Variants in TSPAN15 observed in about 807,000 individuals in gnomAD.
TSPAN15 encodes tetraspanin-15.
Under a neutral mutation model 34.5 loss-of-function variants are expected in TSPAN15, and 20 were observed. The ratio of observed to expected loss-of-function variants is 0.58; its 90% CI spans 0.41 to 0.84. The LOEUF is 0.84. Ranked by LOEUF, TSPAN15 falls within the 40% of genes least tolerant of loss-of-function variation. The probability of loss-of-function intolerance (pLI) is 0.00; values close to 1 mark genes in which losing one functional copy is unlikely to be tolerated. For synonymous variants in TSPAN15, 155 were observed against 153.9 expected (o/e 1.01, Z -0.05); for missense variants, 313 against 386.1 (o/e 0.81, Z 1.59).
rs1841794863 is a variant in TSPAN15 at position 69,483,964 on chromosome 10, T to C, written c.282+88T>C. On this transcript the variant is annotated intron_variant, in intron 2 of 7. Transcript: ENST00000373290. ...TGCCCTTGGGCAGCTCAGTTTCTTT[T>C]GTCCCTGCCTCAAACCACCTCCTTT... The C allele has an allele frequency of 2.2e-5, 32 of 1,425,238 alleles. No individual in the cohort carries two copies. In the South Asian group the frequency reaches 3.5e-4, roughly 16 times the overall value. 88.3% of individuals were successfully genotyped at this position (1,425,238 alleles called of 1,614,324 possible). A position where few individuals can be genotyped will look rare whatever the true frequency, so the allele number is the denominator to read the frequency against.
chr10:69,458,028 C>T (rs12769200), intron 1 of TSPAN15, among the ~76,000 whole-genome samples: 17,519 of 152,194 alleles, frequency 0.12, 1,235 homozygotes, highest in Non-Finnish European at 0.16. Flanking sequence ...AGTGAGTTGC[C>T]TGAAAGCCCA....
chr10:69,492,212 A>AAGCT (rs1446168060), intron 3 of TSPAN15, among the ~76,000 whole-genome samples: 3 of 152,064 alleles, frequency 2.0e-5, no homozygotes, highest in Middle Eastern at 3.4e-3. Flanking sequence ...ATGGCAGAGG[A>AAGCT]AGCTAGAATT....
At chr10:69,486,844 C>T (rs902157131) in intron 3 of TSPAN15, among the ~76,000 whole-genome samples, 2 of 152,236 alleles carry the variant, frequency 1.3e-5, no homozygotes, top group Non-Finnish European at 2.9e-5. Flanking sequence ...GTTTTATGAG[C>T]CCCAGGAAAG....
At chr10:69,460,394 G>C (rs1294900424) in intron 1 of TSPAN15, among the ~76,000 whole-genome samples, 2 of 152,214 alleles carry the variant, frequency 1.3e-5, no homozygotes, top group Non-Finnish European at 2.9e-5. Flanking sequence ...TGGTGGAGGT[G>C]AGGAAGAGAC....
At chr10:69,527,334 G>A in the TSPAN15 span, among the ~76,000 whole-genome samples, 1 of 147,702 alleles carries the variant, frequency 6.8e-6, no homozygotes. Context: ...AGTGGCTCAT[G>A]CCTGTAATCC....
chr10:69,452,482 C>T (rs933310688), intron 1 of TSPAN15, among the ~76,000 whole-genome samples: 5 of 152,180 alleles, frequency 3.3e-5, no homozygotes, highest in African/African-American at 1.2e-4. Context: ...TCATTCCTCT[C>T]GGCCATGGTT....
intron 1 of TSPAN15, among the ~76,000 whole-genome samples, chr10:69,462,171 T>TTTTG (rs1841281766): frequency 3.4e-5 from 5 of 145,504 alleles, no homozygotes; most frequent in Admixed American, 6.8e-5. Flanking sequence ...TTTTTTTTTT[T>TTTTG]TTTTTTTTTT....
At chr10:69,467,035 G>A (rs1248286391) in intron 1 of TSPAN15, among the ~76,000 whole-genome samples, 2 of 152,122 alleles carry the variant, frequency 1.3e-5, no homozygotes, top group African/African-American at 2.4e-5. Flanking sequence ...CTCCTTTCCC[G>A]GCTGCCACTT....
intron 3 of TSPAN15, among the ~76,000 whole-genome samples, chr10:69,486,298 T>C (rs1841852400): frequency 6.6e-6 from 1 of 152,180 alleles, no homozygotes; most frequent in Non-Finnish European, 1.5e-5. Flanking sequence ...GCAGGACATG[T>C]TTGCAGAAGC....
intron 5 of TSPAN15, among the ~76,000 whole-genome samples, chr10:69,501,022 A>C (rs1308056828): frequency 1.3e-5 from 2 of 152,162 alleles, no homozygotes; most frequent in African/African-American, 4.8e-5. Flanking sequence ...CTCGCATAGC[A>C]GATGTGGGCG....
intron 1 of TSPAN15, among the ~76,000 whole-genome samples, chr10:69,472,853 G>A (rs1264455412): frequency 6.6e-6 from 1 of 152,230 alleles, no homozygotes. Flanking sequence ...CATGAGGACA[G>A]TGTGGTCTTG....
chr10:69,455,157 A>T, intron 1 of TSPAN15, among the ~76,000 whole-genome samples: 1 of 151,518 alleles, frequency 6.6e-6, no homozygotes, highest in African/African-American at 2.4e-5. Context: ...TCAAAAAAAA[A>T]AAAAAAAAAA....
At chr10:69,509,245 TG>T (rs543009252), downstream of TSPAN15, among the ~76,000 whole-genome samples, 8,707 of 152,274 alleles carry the variant, frequency 0.057, 322 homozygotes, top group African/African-American at 0.086. Context: ...TACCTCACAC[TG>T]CACCGCTGGC....
chr10:69,457,864 T>G (rs1292060326), intron 1 of TSPAN15, among the ~76,000 whole-genome samples: 1 of 152,200 alleles, frequency 6.6e-6, no homozygotes, highest in Non-Finnish European at 1.5e-5. Context: ...TGATGAACAC[T>G]CCATCAACTA....
chr10:69,530,818 C>CTATGTATATA, the TSPAN15 span, among the ~76,000 whole-genome samples: 1 of 42,562 alleles, frequency 2.3e-5, no homozygotes, highest in South Asian at 8.9e-4. Flanking sequence ...CTCTCTCTCT[C>CTATGTATATA]TCTATATATA....
chr10:69,455,590 C>CTCTT lies in TSPAN15; in HGVS notation c.96+3916_96+3919dup, dbSNP rs749957203. Among the ~76,000 whole-genome samples, 440 of 106,852 alleles carry CTCTT rather than the reference C, an allele frequency of 4.1e-3. 23 individuals carry two copies. Among genetic ancestry groups the CTCTT allele is most frequent in the African/African-American group, 0.012 (337 of 27,152 alleles). 70.1% of individuals were successfully genotyped at this position (106,852 alleles called of 152,430 possible). A position where few individuals can be genotyped will look rare whatever the true frequency, so the allele number is the denominator to read the frequency against. On this transcript the variant is annotated intron_variant, in intron 1 of 7. Transcript: ENST00000373290. Reference sequence around the variant, plus strand: ...TTCTTTCTCTTTTCTTTCTTTCTTTCTCTTTCTTTCTTTCTTTCTCTCTCT... The same window carrying CTCTT: ...TTCTTTCTCTTTTCTTTCTTTCTTTCTCTTTCTTTCTTTCTTTCTTTCTCTCTCT...
chr10:69,485,409 C>T (rs1032098901), intron 3 of TSPAN15, among the ~76,000 whole-genome samples, 194 bp downstream of exon 3: 4 of 152,100 alleles, frequency 2.6e-5, no homozygotes, highest in Admixed American at 6.5e-5. Flanking sequence ...ATGAGAGCGC[C>T]TGGGGAGGAG....
At chr10:69,500,220 G>A (rs961315994) in intron 5 of TSPAN15, among the ~76,000 whole-genome samples, 5 of 152,194 alleles carry the variant, frequency 3.3e-5, no homozygotes, top group African/African-American at 1.2e-4. Context: ...GAGCAGTGAT[G>A]CAGCCTCAGC....
At chr10:69,474,451 A>C (rs2133094144) in intron 1 of TSPAN15, among the ~76,000 whole-genome samples, 1 of 152,108 alleles carries the variant, frequency 6.6e-6, no homozygotes, top group East Asian at 1.9e-4. Flanking sequence ...GTTGTATAGG[A>C]CAAAGACCTC....
Sources: allele counts gnomAD v4.1 joint callset (sites outside exome capture counted in the v4.1 genomes callset), GRCh38; gene constraint gnomAD v4.1.1; transcripts MANE v1.5; gene names NCBI Gene and HGNC (gene_info 2026-07-23, HGNC 2026-07-21).